Variants in PHLPP1 observed in about 807,000 individuals in gnomAD.
The protein encoded by PHLPP1 is PH domain leucine-rich repeat-containing protein phosphatase 1.
PHLPP1 carries 42 observed loss-of-function variants against 117.2 expected under a neutral mutation model. The observed-to-expected ratio is 0.36, with a 90% CI of 0.28 to 0.46. The LOEUF (loss-of-function observed/expected upper bound fraction) is 0.46, where lower values mean the gene tolerates loss of function less well. PHLPP1 is among the 20% of genes least tolerant of loss of function. PHLPP1 has a pLI of 1.00. For missense variants in PHLPP1, 2,084 were observed against 2,241.9 expected (o/e 0.93, Z 1.42); for synonymous variants, 1,042 against 970.7 (o/e 1.07, Z -1.37).
chr18:62,747,767 G>A (rs188909873), intron 1 of PHLPP1, among the ~76,000 whole-genome samples: 4 of 151,800 alleles, frequency 2.6e-5, no homozygotes, highest in East Asian at 1.9e-4. Flanking sequence ...TGATCCTCTC[G>A]CCTTGGCCTT....
chr18:62,900,402 T>C (rs753102404), intron 6 of PHLPP1, among the ~76,000 whole-genome samples: 9 of 150,164 alleles, frequency 6.0e-5, no homozygotes, highest in Non-Finnish European at 1.2e-4. Flanking sequence ...TATGTTGTAG[T>C]TGTTTGTATT....
At chr18:62,829,187 A>G (rs1292774967) in intron 1 of PHLPP1, among the ~76,000 whole-genome samples, 1 of 152,146 alleles carries the variant, frequency 6.6e-6, no homozygotes, top group Non-Finnish European at 1.5e-5. Context: ...CTGGGATAGT[A>G]TTTCTAATAG....
intron 4 of PHLPP1, among the ~76,000 whole-genome samples, chr18:62,874,651 A>ACGCG (rs141876253): frequency 3.7e-4 from 49 of 134,196 alleles, no homozygotes; most frequent in South Asian, 5.0e-4. Context: ...GCGCGCACGC[A>ACGCG]CGCGCGCACA....
At chr18:62,825,465 A>G (rs915760593) in intron 1 of PHLPP1, 1 of 147,058 alleles carries the variant, frequency 6.8e-6, no homozygotes, top group Non-Finnish European at 1.5e-5. Context: ...TTTATATAAT[A>G]TATATATTTT....
intron 1 of PHLPP1, among the ~76,000 whole-genome samples, chr18:62,823,616 A>G (rs536302517): frequency 3.7e-4 from 56 of 149,904 alleles, no homozygotes; most frequent in South Asian, 2.3e-3. Context: ...AAATATATAT[A>G]TCTACATATA....
intron 10 of PHLPP1, among the ~76,000 whole-genome samples, chr18:62,932,093 G>A (rs906044661): frequency 6.6e-6 from 1 of 151,938 alleles, no homozygotes; most frequent in Non-Finnish European, 1.5e-5. Context: ...TCCTGAACAG[G>A]CCAATAATGA....
At chr18:62,960,713 T>A (rs1691568537) in intron 13 of PHLPP1, among the ~76,000 whole-genome samples, 1 of 151,908 alleles carries the variant, frequency 6.6e-6, no homozygotes, top group South Asian at 2.1e-4. Context: ...GCTGAAGGAG[T>A]ATAATTTGGT....
At chr18:62,873,879 T>C (rs1224379542) in intron 4 of PHLPP1, among the ~76,000 whole-genome samples, 3 of 152,126 alleles carry the variant, frequency 2.0e-5, no homozygotes, top group African/African-American at 7.2e-5. Context: ...GAGCTATGCA[T>C]ATACTTAAGA....
chr18:62,904,333 G>A (rs765318059), intron 7 of PHLPP1, among the ~76,000 whole-genome samples: 1 of 152,210 alleles, frequency 6.6e-6, no homozygotes, highest in African/African-American at 2.4e-5. Context: ...CTTAGTAAGC[G>A]ATAGAGAACC....
intron 1 of PHLPP1, among the ~76,000 whole-genome samples, chr18:62,760,840 G>T (rs760523207): frequency 6.6e-6 from 1 of 152,134 alleles, no homozygotes; most frequent in African/African-American, 2.4e-5. Context: ...TGGAATGAGT[G>T]TCTCCCTGGC....
chr18:62,924,598 C>A (rs1909568086), intron 10 of PHLPP1, among the ~76,000 whole-genome samples: 1 of 149,500 alleles, frequency 6.7e-6, no homozygotes. Flanking sequence ...CTTTGGGAGG[C>A]CAACACGGGA....
At chr18:62,913,732 T>A (rs1045187828) in intron 8 of PHLPP1, among the ~76,000 whole-genome samples, 5 of 119,448 alleles carry the variant, frequency 4.2e-5, no homozygotes, top group African/African-American at 1.5e-4. Context: ...TTTAGTTCTC[T>A]CTCTCTCTTT....
intron 4 of PHLPP1, 44 bp from the exon 5 acceptor site, chr18:62,894,967 A>C (rs1342229781): frequency 2.7e-6 from 4 of 1,463,126 alleles, no homozygotes; most frequent in Non-Finnish European, 3.8e-6. Context: ...GATGTTAATG[A>C]CATTTGTCTC....
At chr18:62,819,074 A>T (rs1914371761) in intron 1 of PHLPP1, among the ~76,000 whole-genome samples, 1 of 152,240 alleles carries the variant, frequency 6.6e-6, no homozygotes. Flanking sequence ...TTATTACTGA[A>T]AGTTCAACAA....
At chr18:62,776,044 A>G (rs948264412) in intron 1 of PHLPP1, among the ~76,000 whole-genome samples, 11 of 152,206 alleles carry the variant, frequency 7.2e-5, no homozygotes, top group Non-Finnish European at 1.3e-4. Context: ...ATAGGCATAG[A>G]TATATATCTA....
At chr18:62,875,038 TC>T (rs1916012933) in intron 4 of PHLPP1, among the ~76,000 whole-genome samples, 1 of 152,190 alleles carries the variant, frequency 6.6e-6, no homozygotes, top group Non-Finnish European at 1.5e-5. Context: ...CACTGCAACT[TC>T]CGCCTCCCGG....
At chr18:62,747,402 C>T (rs1027464666) in intron 1 of PHLPP1, among the ~76,000 whole-genome samples, 1 of 151,690 alleles carries the variant, frequency 6.6e-6, no homozygotes, top group African/African-American at 2.4e-5. Flanking sequence ...CTCAGCCTCC[C>T]AAAATGCTGG....
At chr18:62,892,078 CTTTCTTTTT>C (rs1916434603) in intron 4 of PHLPP1, among the ~76,000 whole-genome samples, 2 of 113,748 alleles carry the variant, frequency 1.8e-5, no homozygotes, top group South Asian at 6.2e-4. Context: ...TTCTTTCTTT[CTTTCTTTTT>C]TTTTTTTTTT....
At chr18:62,818,685 G>GGAAT (rs1309687996) in intron 1 of PHLPP1, among the ~76,000 whole-genome samples, 1 of 152,132 alleles carries the variant, frequency 6.6e-6, no homozygotes, top group South Asian at 2.1e-4. Flanking sequence ...TCTACATAAA[G>GGAAT]GAATGAAGAA....
Sources: gnomAD v4.1 joint callset for allele counts (sites outside exome capture counted in the v4.1 genomes callset) on GRCh38, gnomAD v4.1.1 for gene constraint, MANE v1.5 for transcripts, NCBI Gene and HGNC (gene_info 2026-07-23, HGNC 2026-07-21) for gene names.